The following ZFPM2 variants were observed in gnomAD, a reference collection of about 807,000 sequenced individuals.
ZFPM2 encodes zinc finger protein ZFPM2.
In ZFPM2, 20 loss-of-function variants were observed where a neutral mutation model predicts 98.6. The ratio of observed to expected loss-of-function variants is 0.20; its 90% CI spans 0.14 to 0.29. The LOEUF is 0.29. Among genes scored for constraint, ZFPM2 ranks in the 10% least tolerant of loss-of-function variants. The pLI, the probability that ZFPM2 is intolerant of heterozygous loss-of-function variation, is 1.00. For missense variants in ZFPM2, 1,310 were observed against 1,388.6 expected, an observed-to-expected ratio of 0.94 and a Z score of 0.90; for synonymous variants, 518 against 502.7, an observed-to-expected ratio of 1.03 and a Z score of -0.41.
intron 2 of ZFPM2, among the ~76,000 whole-genome samples, chr8:105,436,282 G>A (rs528108356): frequency 2.0e-4 from 31 of 152,108 alleles, no homozygotes; most frequent in Non-Finnish European, 2.6e-4. Flanking sequence ...CACTTTGGGA[G>A]GCTGAAGCAG....
At chr8:105,614,115 A>G (rs1586150682) in intron 4 of ZFPM2, among the ~76,000 whole-genome samples, 1 of 152,162 alleles carries the variant, frequency 6.6e-6, no homozygotes, top group African/African-American at 2.4e-5. Flanking sequence ...TCTCTTACCC[A>G]TTTTATTTTA....
intron 1 of ZFPM2, among the ~76,000 whole-genome samples, chr8:105,321,238 G>C (rs1812018754): frequency 6.6e-6 from 1 of 152,118 alleles, no homozygotes; most frequent in Admixed American, 6.5e-5. Flanking sequence ...AGGCAGTTTC[G>C]CAGATGGAGA....
chr8:105,580,954 A>G (rs2130741885), intron 4 of ZFPM2, among the ~76,000 whole-genome samples: 1 of 151,998 alleles, frequency 6.6e-6, no homozygotes, highest in East Asian at 1.9e-4. Context: ...TGAAAATTAC[A>G]TTGTTATCTC....
intron 5 of ZFPM2, among the ~76,000 whole-genome samples, chr8:105,755,866 A>C (rs1263022586): frequency 1.3e-5 from 2 of 152,206 alleles, no homozygotes; most frequent in Non-Finnish European, 2.9e-5. Context: ...TAAATAAAGT[A>C]TGCAATCTCT....
At chr8:105,584,490 C>A (rs1482362706) in intron 4 of ZFPM2, among the ~76,000 whole-genome samples, 1 of 152,112 alleles carries the variant, frequency 6.6e-6, no homozygotes, top group Admixed American at 6.5e-5. Flanking sequence ...GTCAAAAACA[C>A]AAAGTAGTCT....
intron 3 of ZFPM2, among the ~76,000 whole-genome samples, chr8:105,500,989 A>G (rs1813582024): frequency 6.6e-6 from 1 of 152,038 alleles, no homozygotes. Flanking sequence ...AACAATTAAT[A>G]AAAGCTCAAG....
At chr8:105,616,863 C>T (rs1466043233) in intron 4 of ZFPM2, among the ~76,000 whole-genome samples, 1 of 150,746 alleles carries the variant, frequency 6.6e-6, no homozygotes, top group Non-Finnish European at 1.5e-5. Context: ...ACTAAAAATA[C>T]AAAAATTAGC....
At chr8:105,319,120 G>A in intron 1 of ZFPM2, 139 bp downstream of exon 1, 1 of 1,016,672 alleles carries the variant, frequency 9.8e-7, no homozygotes, top group Non-Finnish European at 1.3e-6. Context: ...CTTTGCCTGA[G>A]CAGTCGAAGG....
chr8:105,598,028 A>G (rs1241011962), intron 4 of ZFPM2, among the ~76,000 whole-genome samples: 3 of 147,598 alleles, frequency 2.0e-5, no homozygotes, highest in Non-Finnish European at 4.5e-5. Flanking sequence ...ACCTCTCTAG[A>G]CTGTTATAAC....
At chr8:105,713,180 T>C (rs970655431) in intron 5 of ZFPM2, among the ~76,000 whole-genome samples, 5 of 152,108 alleles carry the variant, frequency 3.3e-5, no homozygotes, top group African/African-American at 1.2e-4. Flanking sequence ...TTTTTCTTCA[T>C]AGTCTCCCCG....
At chr8:105,770,693 C>T (rs535706712) in intron 5 of ZFPM2, among the ~76,000 whole-genome samples, 54 of 152,224 alleles carry the variant, frequency 3.5e-4, no homozygotes, top group African/African-American at 1.1e-3. Flanking sequence ...GGCTACTCTA[C>T]GCTATTAAAC....
intron 5 of ZFPM2, among the ~76,000 whole-genome samples, chr8:105,688,885 A>G (rs1451989270): frequency 6.6e-6 from 1 of 152,212 alleles, no homozygotes; most frequent in Non-Finnish European, 1.5e-5. Context: ...TTAATATAGC[A>G]GCTTTAATGT....
intron 3 of ZFPM2, among the ~76,000 whole-genome samples, chr8:105,519,427 G>A (rs919739099): frequency 6.6e-6 from 1 of 151,998 alleles, no homozygotes; most frequent in Non-Finnish European, 1.5e-5. Context: ...GAATAAGGAT[G>A]AGAAATGATC....
chr8:105,740,400 A>G (rs1312117972), intron 5 of ZFPM2, among the ~76,000 whole-genome samples: 1 of 151,596 alleles, frequency 6.6e-6, no homozygotes, highest in Non-Finnish European at 1.5e-5. Context: ...AATTATTTCT[A>G]TAGCATAGAA....
At chr8:105,796,180 T>C (rs1813806689) in intron 6 of ZFPM2, among the ~76,000 whole-genome samples, 1 of 150,710 alleles carries the variant, frequency 6.6e-6, no homozygotes, top group African/African-American at 2.5e-5. Flanking sequence ...GTATCTTTAC[T>C]TTGATTCTGA....
chr8:105,798,412 T>C (rs1392709566), intron 6 of ZFPM2: 3 of 209,432 alleles, frequency 1.4e-5, no homozygotes, highest in Admixed American at 1.0e-4. Flanking sequence ...ATCGCACCAC[T>C]GCACTGCAGC....
intron 3 of ZFPM2, among the ~76,000 whole-genome samples, chr8:105,477,478 C>T (rs1446517073): frequency 2.0e-5 from 3 of 151,794 alleles, no homozygotes; most frequent in African/African-American, 7.3e-5. Context: ...CTCCTGACCT[C>T]GTGATCCACC....
chr8:105,392,371 A>C (rs1239959460), intron 1 of ZFPM2, among the ~76,000 whole-genome samples: 2 of 152,196 alleles, frequency 1.3e-5, no homozygotes, highest in African/African-American at 4.8e-5. Context: ...AGTAATAATA[A>C]ATTAATCTAG....
intron 1 of ZFPM2, among the ~76,000 whole-genome samples, chr8:105,371,773 T>TA (rs369858956): frequency 5.3e-5 from 8 of 152,230 alleles, no homozygotes; most frequent in African/African-American, 1.9e-4. Context: ...GTTAATTGCA[T>TA]AAAAAATGTT....
Sources: allele counts gnomAD v4.1 joint callset (sites outside exome capture counted in the v4.1 genomes callset), GRCh38; gene constraint gnomAD v4.1.1; transcripts MANE v1.5; gene names NCBI Gene and HGNC (gene_info 2026-07-23, HGNC 2026-07-21).